Variants in KALRN observed in about 807,000 individuals in gnomAD.
The protein encoded by KALRN is kalirin RhoGEF kinase, also known as kalirin.
KALRN carries 70 observed loss-of-function variants against 353.7 expected under a neutral mutation model. The observed-to-expected ratio is 0.20, with a 90% CI of 0.16 to 0.24. The LOEUF (loss-of-function observed/expected upper bound fraction) is 0.24, where lower values mean the gene tolerates loss of function less well. KALRN is among the 10% of genes least tolerant of loss of function. The pLI, the probability that KALRN is intolerant of heterozygous loss-of-function variation, is 1.00. For synonymous variants in KALRN, 1,391 were observed against 1,434.8 expected (o/e 0.97, Z 0.69); for missense variants, 2,791 against 3,756.7 (o/e 0.74, Z 6.72).
At chr3:124,359,110 A>T (rs565984479) in intron 10 of KALRN, among the ~76,000 whole-genome samples, 5 of 152,278 alleles carry the variant, frequency 3.3e-5, no homozygotes, top group Non-Finnish European at 7.4e-5. Context: ...TCAGACTATC[A>T]TGAAGGGTCA....
At chr3:124,083,425 A>G (rs1345495345) in intron 1 of KALRN, among the ~76,000 whole-genome samples, 1 of 152,174 alleles carries the variant, frequency 6.6e-6, no homozygotes, top group Non-Finnish European at 1.5e-5. Flanking sequence ...TGAAGGCAGG[A>G]TGGGAAACAG....
intron 1 of KALRN, among the ~76,000 whole-genome samples, chr3:124,065,051 G>A (rs771599931): frequency 3.9e-5 from 6 of 152,182 alleles, no homozygotes; most frequent in Non-Finnish European, 7.3e-5. Context: ...CTACAGTGGG[G>A]CAGGAGCTAC....
intron 29 of KALRN, among the ~76,000 whole-genome samples, chr3:124,490,241 TAATAAG>T (rs2063003413): frequency 6.6e-6 from 1 of 151,824 alleles, no homozygotes; most frequent in South Asian, 2.1e-4. Context: ...TAAAAAATAA[TAATAAG>T]AAGAATTAAG....
intron 34 of KALRN, 144 bp from the exon 35 acceptor site, chr3:124,632,276 G>C (rs932550559): frequency 1.4e-6 from 1 of 710,618 alleles, no homozygotes; most frequent in Non-Finnish European, 2.4e-6. Context: ...CTGTTGTTGA[G>C]AGGGTTCTCT....
intron 37 of KALRN, among the ~76,000 whole-genome samples, chr3:124,638,620 G>A (rs2081639915): frequency 6.6e-6 from 1 of 151,622 alleles, no homozygotes; most frequent in African/African-American, 2.4e-5. Flanking sequence ...TCTGAGCATG[G>A]GCCCTGAATT....
At chr3:124,580,789 C>G (rs149403979) in intron 34 of KALRN, among the ~76,000 whole-genome samples, 1,627 of 152,112 alleles carry the variant, frequency 0.011, 36 homozygotes, top group African/African-American at 0.036. Flanking sequence ...GGTCCACAAA[C>G]AGTTAGTGTC....
chr3:124,614,484 T>A (rs1476002522), intron 34 of KALRN, among the ~76,000 whole-genome samples: 1 of 151,862 alleles, frequency 6.6e-6, no homozygotes, highest in African/African-American at 2.4e-5. Flanking sequence ...GGTCTCAAAC[T>A]CCTAGACTTA....
At chr3:124,145,907 T>C (rs1379690542) in intron 1 of KALRN, among the ~76,000 whole-genome samples, 1 of 152,186 alleles carries the variant, frequency 6.6e-6, no homozygotes, top group Non-Finnish European at 1.5e-5. Context: ...GGGAGGGATG[T>C]TGAAGGGACA....
intron 4 of KALRN, among the ~76,000 whole-genome samples, chr3:124,265,670 A>G (rs924913986): frequency 3.9e-5 from 6 of 152,184 alleles, no homozygotes; most frequent in Non-Finnish European, 2.9e-5. Context: ...CAAACAAGAA[A>G]TGTCTACAAG....
At chr3:124,474,439 CG>C (rs1561061817) in intron 25 of KALRN, among the ~76,000 whole-genome samples, 3 of 151,728 alleles carry the variant, frequency 2.0e-5, no homozygotes, top group African/African-American at 7.3e-5. Context: ...GTGTTCACTC[CG>C]AGAGAAAGAA....
In KALRN at chr3:124,725,148, A is replaced by G. The variant is rs959808281; in HGVS notation, c.*5678A>G. ...CATCAATACCTGACTTCCATCAACA[A>G]CTGAATCCATGTTCTGGAGTATTAC... On this transcript the variant is annotated 3_prime_UTR_variant, in exon 60 of 60. Transcript: ENST00000682506. 6.6e-6 allele frequency: 1 copy of G among 152,148 alleles called. No homozygotes were observed. Among genetic ancestry groups the G allele is most frequent in the African/African-American group, 2.4e-5 (1 of 41,440 alleles). The allele number at this position is 152,148 out of a possible 1,614,324, so 9.4% of individuals were successfully genotyped here. A position where few individuals can be genotyped will look rare whatever the true frequency, so the allele number is the denominator to read the frequency against.
At chr3:124,575,571 T>C (rs1294995199) in intron 34 of KALRN, among the ~76,000 whole-genome samples, 3 of 152,180 alleles carry the variant, frequency 2.0e-5, no homozygotes, top group African/African-American at 7.2e-5. Flanking sequence ...TACAGTTCTG[T>C]GGGTTGGAAA....
chr3:124,059,642 A>C (rs538768581), intron 1 of KALRN, among the ~76,000 whole-genome samples: 1 of 152,366 alleles, frequency 6.6e-6, no homozygotes, highest in South Asian at 2.1e-4. Context: ...GGCACTGCAC[A>C]GCTTCTCAGA....
At chr3:124,123,999 C>A (rs185699322) in intron 1 of KALRN, among the ~76,000 whole-genome samples, 8 of 152,330 alleles carry the variant, frequency 5.3e-5, no homozygotes, top group Non-Finnish European at 1.0e-4. Context: ...AACACAACAT[C>A]CTTTCTGTAG....
intron 34 of KALRN, among the ~76,000 whole-genome samples, chr3:124,597,862 A>G (rs890611205): frequency 6.6e-6 from 1 of 152,214 alleles, no homozygotes; most frequent in African/African-American, 2.4e-5. Flanking sequence ...TTTCTACTTT[A>G]TAATAATTAG....
At chr3:124,362,540 TAG>T (rs1218728536) in intron 10 of KALRN, among the ~76,000 whole-genome samples, 1 of 152,218 alleles carries the variant, frequency 6.6e-6, no homozygotes, top group African/African-American at 2.4e-5. Context: ...TGGATTTAAA[TAG>T]AGATTGGTGC....
At chr3:124,343,258 G>A (rs1033837959) in intron 9 of KALRN, among the ~76,000 whole-genome samples, 1 of 152,194 alleles carries the variant, frequency 6.6e-6, no homozygotes, top group African/African-American at 2.4e-5. Context: ...CCTAGGCTCA[G>A]GGGATCCTCC....
At position 124,522,491 on chromosome 3, in the gene KALRN, G is replaced by GA. The variant is rs1008498092; in HGVS notation, c.4935+26087dup. Among the ~76,000 whole-genome samples the GA allele has an allele frequency of 9.9e-5, 15 of 150,774 alleles. 1 individual carries two copies. Among genetic ancestry groups the GA allele is most frequent in the African/African-American group, 1.7e-4 (7 of 41,108 alleles). On this transcript the variant is annotated intron_variant, in intron 33 of 59. Transcript: ENST00000682506. ...CCTACTCCTTACAGAAAAAGGAAAA[G>GA]AAAAAAAAAGCTTCTCATGGCATGT...
chr3:124,323,934 G>A (rs908247361), intron 6 of KALRN, among the ~76,000 whole-genome samples: 3 of 152,132 alleles, frequency 2.0e-5, no homozygotes, highest in Non-Finnish European at 4.4e-5. Flanking sequence ...ATTTATCGGC[G>A]GTGATCACTC....
Sources: gnomAD v4.1 joint callset for allele counts (sites outside exome capture counted in the v4.1 genomes callset) on GRCh38, gnomAD v4.1.1 for gene constraint, MANE v1.5 for transcripts, NCBI Gene and HGNC (gene_info 2026-07-23, HGNC 2026-07-21) for gene names.